Variants in TASP1 observed in about 807,000 individuals in gnomAD.
The protein encoded by TASP1 is taspase 1, also known as threonine aspartase 1.
Under a neutral mutation model 56.6 loss-of-function variants are expected in TASP1, and 16 were observed. The ratio of observed to expected loss-of-function variants is 0.28; its 90% CI spans 0.19 to 0.43. TASP1 has a LOEUF of 0.43. Ranked by LOEUF, TASP1 falls within the 20% of genes least tolerant of loss-of-function variation. The pLI is 1.00. For missense variants in TASP1, 393 were observed against 511.6 expected (o/e 0.77, Z 2.24); for synonymous variants, 179 against 184.2 (o/e 0.97, Z 0.23).
chr20:13,274,857 C>A, the TASP1 span, among the ~76,000 whole-genome samples: 25 of 152,086 alleles, frequency 1.6e-4, no homozygotes, highest in African/African-American at 5.8e-4. Flanking sequence ...GAAGAAAATG[C>A]GCAAAATAGA....
At chr20:13,193,565 G>T in the TASP1 span, among the ~76,000 whole-genome samples, 1 of 152,192 alleles carries the variant, frequency 6.6e-6, no homozygotes, top group Non-Finnish European at 1.5e-5. Flanking sequence ...AGTTAGAAAT[G>T]CATTCGGTTG....
intron 11 of TASP1, among the ~76,000 whole-genome samples, chr20:13,473,866 A>G (rs1358949137): frequency 6.6e-6 from 1 of 152,140 alleles, no homozygotes; most frequent in Non-Finnish European, 1.5e-5. Flanking sequence ...GGAGCCCAGG[A>G]GTTCAAGATC....
chr20:13,606,534 G>A (rs552641146), intron 4 of TASP1, among the ~76,000 whole-genome samples: 7 of 152,230 alleles, frequency 4.6e-5, no homozygotes, highest in South Asian at 4.1e-4. Flanking sequence ...TAGGCTGGAC[G>A]CGGTGGCTCA....
At chr20:13,593,668 G>C (rs2147299693) in intron 4 of TASP1, among the ~76,000 whole-genome samples, 1 of 152,248 alleles carries the variant, frequency 6.6e-6, no homozygotes, top group East Asian at 1.9e-4. Flanking sequence ...CACCATTGCT[G>C]AGGCTTGAAT....
At chr20:13,379,832 C>T in the TASP1 span, among the ~76,000 whole-genome samples, 35 of 152,282 alleles carry the variant, frequency 2.3e-4, 1 homozygote, top group Admixed American at 1.8e-3. Flanking sequence ...GATCTTCAAA[C>T]TCTGATATCC....
the TASP1 span, among the ~76,000 whole-genome samples, chr20:13,353,198 T>C: frequency 6.6e-6 from 1 of 150,558 alleles, no homozygotes; most frequent in East Asian, 2.0e-4. Context: ...ATGGCACTAC[T>C]ATGCTCCAGC....
At chr20:13,289,134 G>A in the TASP1 span, among the ~76,000 whole-genome samples, 1 of 152,204 alleles carries the variant, frequency 6.6e-6, no homozygotes, top group Non-Finnish European at 1.5e-5. Flanking sequence ...TAATTGATGA[G>A]CTGAATGGAT....
chr20:13,227,675 A>AT, the TASP1 span, among the ~76,000 whole-genome samples: 3 of 134,428 alleles, frequency 2.2e-5, no homozygotes, highest in Non-Finnish European at 4.8e-5. Flanking sequence ...TGCCTGGCTA[A>AT]TTTTTTGTAT....
chr20:13,223,779 A>G, the TASP1 span, among the ~76,000 whole-genome samples: 1 of 152,174 alleles, frequency 6.6e-6, no homozygotes, highest in African/African-American at 2.4e-5. Context: ...CACTGCGGAG[A>G]TAATTCTTAA....
intron 10 of TASP1, among the ~76,000 whole-genome samples, chr20:13,500,642 T>C (rs2043912649): frequency 6.6e-6 from 1 of 151,736 alleles, no homozygotes; most frequent in Admixed American, 6.6e-5. Context: ...ATGCATTCAG[T>C]GGGCTTTAGA....
intron 6 of TASP1, among the ~76,000 whole-genome samples, chr20:13,573,979 A>C (rs1263813995): frequency 6.6e-6 from 1 of 152,186 alleles, no homozygotes; most frequent in Non-Finnish European, 1.5e-5. Context: ...AGAGTTCACA[A>C]TACCAGAGAG....
At chr20:13,503,990 T>C (rs1235646292) in intron 10 of TASP1, among the ~76,000 whole-genome samples, 1 of 150,438 alleles carries the variant, frequency 6.6e-6, no homozygotes, top group African/African-American at 2.5e-5. Flanking sequence ...TCTAGCATTA[T>C]GGAAGTTCAA....
chr20:13,263,673 G>A, the TASP1 span, among the ~76,000 whole-genome samples: 905 of 152,328 alleles, frequency 5.9e-3, 5 homozygotes, highest in Admixed American at 0.014. Context: ...TTTATTGTGG[G>A]TAGAAGAAAA....
At chr20:13,613,034 T>C (rs978138963) in intron 4 of TASP1, among the ~76,000 whole-genome samples, 7 of 152,162 alleles carry the variant, frequency 4.6e-5, no homozygotes, top group African/African-American at 1.7e-4. Context: ...AAATGCTCAA[T>C]GAAAAGAAGG....
intron 6 of TASP1, among the ~76,000 whole-genome samples, chr20:13,570,917 C>T (rs2046691028): frequency 6.6e-6 from 1 of 151,926 alleles, no homozygotes; most frequent in Non-Finnish European, 1.5e-5. Flanking sequence ...TAATTCTGTT[C>T]ATGAGAAGAT....
At chr20:13,377,416 A>G in the TASP1 span, among the ~76,000 whole-genome samples, 1,051 of 152,352 alleles carry the variant, frequency 6.9e-3, 17 homozygotes, top group African/African-American at 0.024. Flanking sequence ...CATCCCAGGA[A>G]TGAACCCAAC....
chr20:13,440,904 A>T (rs909204205), intron 11 of TASP1, among the ~76,000 whole-genome samples: 1 of 152,160 alleles, frequency 6.6e-6, no homozygotes, highest in African/African-American at 2.4e-5. Context: ...CTCTCAGGTA[A>T]CACAAAAATC....
At chr20:13,147,713 C>T in the TASP1 span, among the ~76,000 whole-genome samples, 2,801 of 152,264 alleles carry the variant, frequency 0.018, 53 homozygotes, top group South Asian at 0.03. Flanking sequence ...CTTCCCATCT[C>T]TAAAGACAAG....
intron 11 of TASP1, among the ~76,000 whole-genome samples, chr20:13,473,239 A>G (rs1289011834): frequency 6.6e-6 from 1 of 152,088 alleles, no homozygotes; most frequent in Non-Finnish European, 1.5e-5. Flanking sequence ...TTGCAAGGAC[A>G]AAAAACCAAA....
Sources: gnomAD v4.1 joint callset for allele counts (sites outside exome capture counted in the v4.1 genomes callset) on GRCh38, gnomAD v4.1.1 for gene constraint, MANE v1.5 for transcripts, NCBI Gene and HGNC (gene_info 2026-07-23, HGNC 2026-07-21) for gene names.